GLRA1: variants seen among roughly 807,000 people sequenced by gnomAD.
GLRA1 encodes the protein glycine receptor alpha 1.
In GLRA1, 37 loss-of-function variants were observed where a neutral mutation model predicts 48.3. The observed-to-expected ratio is 0.77, with a 90% CI of 0.59 to 1.01. The LOEUF (loss-of-function observed/expected upper bound fraction) is 1.01, where lower values mean the gene tolerates loss of function less well. Among genes scored for constraint, GLRA1 ranks in the 50% least tolerant of loss-of-function variants. The pLI, the probability that GLRA1 is intolerant of heterozygous loss-of-function variation, is 0.00. For synonymous variants in GLRA1, 196 were observed against 210.7 expected (o/e 0.93, Z 0.60); for missense variants, 427 against 571.0 (o/e 0.75, Z 2.57).
chr5:151,885,017 C>T (rs1203115255), intron 3 of GLRA1, among the ~76,000 whole-genome samples: 1 of 152,160 alleles, frequency 6.6e-6, no homozygotes, highest in African/African-American at 2.4e-5. Context: ...CAAGTGGGAC[C>T]ATCTCCATTT....
At chr5:151,885,697 A>G (rs1581644274) in intron 3 of GLRA1, among the ~76,000 whole-genome samples, 1 of 152,304 alleles carries the variant, frequency 6.6e-6, no homozygotes, top group South Asian at 2.1e-4. Flanking sequence ...TAGAGTATGC[A>G]GTGGGAGAGG....
intron 1 of GLRA1, among the ~76,000 whole-genome samples, chr5:151,905,067 T>TTGC (rs960073021): frequency 3.9e-5 from 6 of 152,192 alleles, no homozygotes; most frequent in Admixed American, 3.9e-4. Flanking sequence ...AGAGCAGTAA[T>TTGC]TGCTGCTGCA....
At chr5:151,902,356 A>C (rs1754385752) in intron 1 of GLRA1, among the ~76,000 whole-genome samples, 1 of 151,888 alleles carries the variant, frequency 6.6e-6, no homozygotes, top group Non-Finnish European at 1.5e-5. Context: ...CATTCCCCAG[A>C]ACCAATCACG....
At chr5:151,862,292 A>G (rs1753228015) in intron 3 of GLRA1, among the ~76,000 whole-genome samples, 2 of 152,250 alleles carry the variant, frequency 1.3e-5, no homozygotes, top group African/African-American at 2.4e-5. Context: ...AAGATGGATT[A>G]AAGACTTAAA....
intron 7 of GLRA1, among the ~76,000 whole-genome samples, chr5:151,834,874 A>G (rs1385587746): frequency 6.6e-6 from 1 of 151,418 alleles, no homozygotes; most frequent in Non-Finnish European, 1.5e-5. Context: ...AAAAAATACA[A>G]AAAATTAGCC....
chr5:151,825,222 T>C (rs1348755003), intron 8 of GLRA1, among the ~76,000 whole-genome samples: 1 of 152,228 alleles, frequency 6.6e-6, no homozygotes, highest in Non-Finnish European at 1.5e-5. Flanking sequence ...CTGGACCTAG[T>C]ACTTAGAAGG....
chr5:151,883,609 T>A (rs895189111), intron 3 of GLRA1, among the ~76,000 whole-genome samples: 3 of 152,242 alleles, frequency 2.0e-5, no homozygotes, highest in Non-Finnish European at 2.9e-5. Context: ...AGAGCATGAA[T>A]GTGAAAATGT....
intron 1 of GLRA1, among the ~76,000 whole-genome samples, chr5:151,894,925 C>A (rs1754192649): frequency 6.6e-6 from 1 of 152,276 alleles, no homozygotes; most frequent in Non-Finnish European, 1.5e-5. Flanking sequence ...GCTTAATAAT[C>A]TGAAGATCCT....
At chr5:151,847,721 G>A (rs1205881713) in intron 7 of GLRA1, among the ~76,000 whole-genome samples, 3 of 147,818 alleles carry the variant, frequency 2.0e-5, no homozygotes, top group South Asian at 2.1e-4. Flanking sequence ...GTGAGACTTC[G>A]TCTCAAAAAA....
chr5:151,910,547 C>A (rs1034939701), intron 1 of GLRA1, among the ~76,000 whole-genome samples: 7 of 152,332 alleles, frequency 4.6e-5, no homozygotes, highest in African/African-American at 9.6e-5. Flanking sequence ...TCTCTCCACT[C>A]CTCGTAATCA....
At chr5:151,827,033 T>TTTTTTTG in intron 8 of GLRA1, among the ~76,000 whole-genome samples, 1 of 147,338 alleles carries the variant, frequency 6.8e-6, no homozygotes, top group South Asian at 2.1e-4. Context: ...CTTTCTGTTT[T>TTTTTTTG]TTTTTTTTTT....
intron 7 of GLRA1, among the ~76,000 whole-genome samples, chr5:151,846,289 T>C (rs1478888533): frequency 1.3e-5 from 2 of 152,218 alleles, no homozygotes; most frequent in Non-Finnish European, 2.9e-5. Flanking sequence ...CAAATATTTT[T>C]AACCACAAAT....
intron 1 of GLRA1, among the ~76,000 whole-genome samples, chr5:151,897,431 A>G (rs1754251153): frequency 6.6e-6 from 1 of 152,276 alleles, no homozygotes; most frequent in South Asian, 2.1e-4. Context: ...TCTGAACCTT[A>G]TAACAGTATT....
chr5:151,848,818 T>A (rs1468868590), intron 7 of GLRA1: 16 of 457,210 alleles, frequency 3.5e-5, no homozygotes, highest in African/African-American at 6.0e-5. Flanking sequence ...TCCTCTCCTC[T>A]CCTCACCTCA....
intron 3 of GLRA1, among the ~76,000 whole-genome samples, chr5:151,862,151 G>T (rs1753224436): frequency 1.3e-5 from 2 of 152,130 alleles, no homozygotes; most frequent in Admixed American, 1.3e-4. Flanking sequence ...TCTGATCTTT[G>T]ACAAACCTGA....
chr5:151,827,800 T>C (rs908621824), intron 8 of GLRA1, among the ~76,000 whole-genome samples: 1 of 152,170 alleles, frequency 6.6e-6, no homozygotes, highest in African/African-American at 2.4e-5. Flanking sequence ...AATGTGTGGG[T>C]CCCTGGTTGC....
intron 3 of GLRA1, among the ~76,000 whole-genome samples, chr5:151,884,972 T>G (rs1163311579): frequency 6.6e-6 from 1 of 152,230 alleles, no homozygotes; most frequent in African/African-American, 2.4e-5. Context: ...GACCTGGATA[T>G]CCAGTGAAAA....
chr5:151,870,557 T>A (rs902293262), intron 3 of GLRA1, among the ~76,000 whole-genome samples: 1 of 149,974 alleles, frequency 6.7e-6, no homozygotes, highest in Non-Finnish European at 1.5e-5. Flanking sequence ...AGAAGAACCC[T>A]AATTTATTGT....
intron 1 of GLRA1, among the ~76,000 whole-genome samples, chr5:151,915,571 C>T (rs1456529567): frequency 6.6e-6 from 1 of 152,062 alleles, no homozygotes; most frequent in Non-Finnish European, 1.5e-5. Context: ...TGAAGTAGAA[C>T]TGTATGCTTC....
Sources: gnomAD v4.1 joint callset for allele counts (sites outside exome capture counted in the v4.1 genomes callset) on GRCh38, gnomAD v4.1.1 for gene constraint, MANE v1.5 for transcripts, NCBI Gene and HGNC (gene_info 2026-07-23, HGNC 2026-07-21) for gene names.